Variants in SRGAP3 observed in about 807,000 individuals in gnomAD.
SRGAP3 encodes the protein SLIT-ROBO Rho GTPase activating protein 3.
SRGAP3 carries 39 observed loss-of-function variants against 121.1 expected under a neutral mutation model. The ratio of observed to expected loss-of-function variants is 0.32; its 90% CI spans 0.25 to 0.42. The LOEUF (loss-of-function observed/expected upper bound fraction) is 0.42. SRGAP3 is among the 10% of genes least tolerant of loss of function. The pLI is 1.00. For synonymous variants in SRGAP3, 601 were observed against 570.0 expected (o/e 1.05, Z -0.77); for missense variants, 1,213 against 1,470.6 (o/e 0.82, Z 2.86).
rs73811464 is a variant in SRGAP3, at chr3:9,303,537, C to T, written n.442+22473G>A. Among the ~76,000 whole-genome samples the T allele has an allele frequency of 5.8e-3, 879 of 152,172 alleles. 10 individuals are homozygous for T. The highest frequency in any genetic ancestry group is 0.02 in the African/African-American group (838 of 41,522). Reference sequence around the variant, plus strand: ...TACACCTATATAGAGATCTCTAAAACTTAATCATCTTGCATACCTGAAATT... The same window carrying T: ...TACACCTATATAGAGATCTCTAAAATTTAATCATCTTGCATACCTGAAATT... On this transcript the variant is annotated intron_variant and non_coding_transcript_variant, in intron 3 of 3. Transcript: ENST00000490889.
chr3:9,034,287 G>A (rs1360897260), intron 11 of SRGAP3: 1 of 152,212 alleles, frequency 6.6e-6, no homozygotes, highest in African/African-American at 2.4e-5. Flanking sequence ...AATTTGGGTA[G>A]CAACAAGTGG....
rs559531465 is a variant in SRGAP3, at chr3:9,341,199, C to T, written n.215-10603G>A. Among the ~76,000 whole-genome samples the T allele has an allele frequency of 5.3e-5, 8 of 152,248 alleles. No individual in the cohort carries two copies. The East Asian group carries it at 5.8e-4, about 11-fold the overall frequency. ...AGAGTCACATAGCAGGTTAGGGCTT[C>T]GGCATATTAATTTGAGGAGGGGAGA... On this transcript the variant is annotated intron_variant and non_coding_transcript_variant, in intron 1 of 3. Transcript: ENST00000490889.
Position 8,994,292 on chromosome 3 carries a change from A to T in SRGAP3, c.2408+51T>A, listed in dbSNP as rs756179809. On this transcript the variant is annotated intron_variant, in intron 19 of 21. Coordinates refer to ENST00000383836, the MANE Select transcript of SRGAP3 (RefSeq NM_014850.4). ...CACTCCCCTACGGTGCCCATCCCAG[A>T]CATCACTAATCTATTTCGGCATTCT... is the stretch of plus-strand genomic sequence containing the variant. 1.2e-5 allele frequency: 20 copies of T among 1,609,830 alleles called. No individual in the cohort carries two copies. The South Asian group carries it at 2.2e-4, about 18-fold the overall frequency.
At chr3:9,206,067 A>G (rs1412066230) in intron 1 of SRGAP3, among the ~76,000 whole-genome samples, 1 of 152,222 alleles carries the variant, frequency 6.6e-6, no homozygotes, top group Non-Finnish European at 1.5e-5. Flanking sequence ...TTGCATGACA[A>G]TGTGAATGAA....
intron 1 of SRGAP3, among the ~76,000 whole-genome samples, chr3:9,335,644 A>C (rs1955677891): frequency 6.6e-6 from 1 of 152,156 alleles, no homozygotes; most frequent in South Asian, 2.1e-4. Context: ...AATTTGTTAG[A>C]AATGCACATT....
chr3:9,114,974 G>A (rs1948753133), intron 2 of SRGAP3, among the ~76,000 whole-genome samples: 1 of 152,214 alleles, frequency 6.6e-6, no homozygotes, highest in Non-Finnish European at 1.5e-5. Flanking sequence ...TATCTTTCTA[G>A]GTGAAGACAC....
intron 3 of SRGAP3, among the ~76,000 whole-genome samples, chr3:9,276,320 G>A (rs1954575509): frequency 6.6e-6 from 1 of 152,138 alleles, no homozygotes; most frequent in Non-Finnish European, 1.5e-5. Context: ...TCCTGTTCCT[G>A]TGAGTCTTTA....
At position 9,189,455 on chromosome 3, in the gene SRGAP3, A is replaced by C. The variant is rs367986118; in HGVS notation, c.67+59430T>G. The stretch of plus-strand genomic sequence containing the variant: ...TGGGAAGGGGATGAAGTATCTGTGG[A>C]GCCTGAAAATTGGACTCCTCCAATC... On this transcript the variant is annotated intron_variant, in intron 1 of 21. Transcript: ENST00000383836. Among the ~76,000 whole-genome samples the C allele has an allele frequency of 2.0e-5, 3 of 152,304 alleles. No homozygotes were observed. In the East Asian group the frequency reaches 5.8e-4, roughly 29 times the overall value.
intron 3 of SRGAP3, among the ~76,000 whole-genome samples, chr3:9,274,927 T>G (rs1197567509): frequency 6.6e-6 from 1 of 152,130 alleles, no homozygotes; most frequent in Non-Finnish European, 1.5e-5. Context: ...GGGGATTTTA[T>G]GGGCACAGGA....
chr3:8,996,503 C>T (rs1470666434), intron 18 of SRGAP3, among the ~76,000 whole-genome samples: 1 of 152,226 alleles, frequency 6.6e-6, no homozygotes, highest in East Asian at 1.9e-4. Context: ...GCTTCCCCAG[C>T]TAGCTACCCG....
chr3:9,011,105 T>A (rs929994974), intron 17 of SRGAP3, among the ~76,000 whole-genome samples: 8 of 152,014 alleles, frequency 5.3e-5, no homozygotes, highest in African/African-American at 1.9e-4. Flanking sequence ...GTAGGAGGGA[T>A]GCAATGATAG....
intron 3 of SRGAP3, among the ~76,000 whole-genome samples, chr3:9,104,015 C>G (rs183438046): frequency 6.6e-6 from 1 of 152,258 alleles, no homozygotes; most frequent in East Asian, 1.9e-4. Context: ...AAGCTCACGG[C>G]AGTGTTATTT....
intron 1 of SRGAP3, among the ~76,000 whole-genome samples, chr3:9,201,641 G>A (rs1411569647): frequency 3.9e-5 from 6 of 152,188 alleles, no homozygotes; most frequent in East Asian, 3.8e-4. Context: ...GTCAAGAGAC[G>A]CCTTATGAGG....
In SRGAP3 at chr3:8,993,046, G is replaced by A; in HGVS notation, c.2418C>T (p.Ala806=). ...QYIVVQDMDD[A]FSDSLSQKAD... ...CCTTCTGGCTCAGGCTGTCGGAGAA[G>A]GCATCATCCCTGGGGAGAAGACAGA... Residue 806 remains alanine, a synonymous_variant, in exon 20 of 22, where the codon GCC becomes GCT. Coordinates refer to ENST00000383836, the MANE Select transcript of SRGAP3 (RefSeq NM_014850.4). 1 of 1,614,078 alleles carries A rather than the reference G, an allele frequency of 6.2e-7. No homozygotes were observed.
At chr3:9,269,801 T>A (rs548800864) in intron 3 of SRGAP3, among the ~76,000 whole-genome samples, 37 of 152,228 alleles carry the variant, frequency 2.4e-4, no homozygotes, top group African/African-American at 8.2e-4. Context: ...ACTCATTACC[T>A]GTCATGGCAT....
At chr3:9,066,014 G>A (rs55711431) in intron 4 of SRGAP3, among the ~76,000 whole-genome samples, 9,623 of 151,972 alleles carry the variant, frequency 0.063, 404 homozygotes, top group Middle Eastern at 0.11. Flanking sequence ...GTCCAAGCTC[G>A]TCTCAAACTC....
At chr3:9,295,254 C>T (rs1427718210) in intron 3 of SRGAP3, among the ~76,000 whole-genome samples, 3 of 152,192 alleles carry the variant, frequency 2.0e-5, no homozygotes, top group Non-Finnish European at 4.4e-5. Flanking sequence ...GACTGTAGTA[C>T]AAGATGACAG....
chr3:9,339,072 C>T (rs1955738458), intron 1 of SRGAP3, among the ~76,000 whole-genome samples: 1 of 152,222 alleles, frequency 6.6e-6, no homozygotes, highest in Admixed American at 6.5e-5. Context: ...ATGGTCTTTT[C>T]CCTTCTCCAC....
At chr3:9,234,019 A>G (rs1953316676) in intron 1 of SRGAP3, among the ~76,000 whole-genome samples, 1 of 152,156 alleles carries the variant, frequency 6.6e-6, no homozygotes, top group Non-Finnish European at 1.5e-5. Context: ...GCAGAGTTTC[A>G]ATGGTGATAT....
Sources: gnomAD v4.1 joint callset for allele counts (sites outside exome capture counted in the v4.1 genomes callset) on GRCh38, gnomAD v4.1.1 for gene constraint, MANE v1.5 for transcripts, NCBI Gene and HGNC (gene_info 2026-07-23, HGNC 2026-07-21) for gene names.